Variants in CPOX observed in about 807,000 individuals in gnomAD.
The protein encoded by CPOX is coproporphyrinogen oxidase.
CPOX carries 24 observed loss-of-function variants against 48.9 expected under a neutral mutation model. The observed-to-expected ratio is 0.49, with a 90% CI of 0.36 to 0.69. The LOEUF is 0.69. Ranked by LOEUF, CPOX falls within the 30% of genes least tolerant of loss-of-function variation. The probability of loss-of-function intolerance (pLI) is 0.00; values close to 1 mark genes in which losing one functional copy is unlikely to be tolerated. For synonymous variants in CPOX, 249 were observed against 234.6 expected (o/e 1.06, Z -0.56); for missense variants, 549 against 597.3 (o/e 0.92, Z 0.84).
At chr3:98,581,349 G>T in intron 6 of CPOX, 58 bp downstream of exon 6, 2 of 1,201,238 alleles carry the variant, frequency 1.7e-6, no homozygotes, top group Non-Finnish European at 2.5e-6. Context: ...TTCATATTTT[G>T]TGGGTGTTTG....
chr3:98,570,776 T>C, the CPOX span, among the ~76,000 whole-genome samples: 1 of 152,240 alleles, frequency 6.6e-6, no homozygotes, highest in African/African-American at 2.4e-5. Flanking sequence ...AGAATCCAGC[T>C]GTAGAACACT....
rs377407802 is a variant in CPOX at position 98,590,966 on chromosome 3, A to G, written c.700+46T>C. ...TATAAATAAAACTTGTGGGCAAAAT[A>G]AGGTTTGCAGGGACTATTAGAGACT... On this transcript the variant is annotated intron_variant, in intron 2 of 6. Coordinates refer to ENST00000647941, the MANE Select transcript of CPOX (RefSeq NM_000097.7). 7 of 1,603,208 alleles carry G rather than the reference A, an allele frequency of 4.4e-6. No individual in the cohort carries two copies. In the African/African-American group the frequency reaches 8.0e-5, roughly 18 times the overall value.
At chr3:98,582,483 A>AT (rs917673046) in intron 5 of CPOX, among the ~76,000 whole-genome samples, 5 of 149,196 alleles carry the variant, frequency 3.4e-5, no homozygotes, top group Admixed American at 2.7e-4. Context: ...TCCCACAATA[A>AT]TTTTTTTTTC....
Position 98,579,804 on chromosome 3 carries a change from T to TA in CPOX, c.*878dup. 1 of 985,458 alleles carries TA rather than the reference T, an allele frequency of 1.0e-6. No individual in the cohort carries two copies. The highest frequency in any genetic ancestry group is 1.2e-6 in the Non-Finnish European group (1 of 829,542). 61.0% of individuals were successfully genotyped at this position (985,458 alleles called of 1,614,324 possible). On this transcript the variant is annotated 3_prime_UTR_variant, in exon 7 of 7. Transcript: ENST00000647941. ...TTTCTCATACTATATATACTTGCTT[T>TA]AAAGAAGGAAATTATTTCTCATTTC...
the CPOX span, among the ~76,000 whole-genome samples, chr3:98,572,978 C>G: frequency 6.6e-6 from 1 of 152,140 alleles, no homozygotes; most frequent in African/African-American, 2.4e-5. Context: ...AATAAAATTA[C>G]ACACAAACAG....
rs1163678947 is a variant in CPOX, at chr3:98,593,376, T to A, written c.129A>T (p.Ala43=). ...GGLRAWSQRS[A]AGRVCRPPGP... is the part of the protein sequence containing the mutation. ...CAGGGGGCCGGCAGACGCGTCCGGC[T>A]GCGCTGCGCTGGGACCAGGCTCGGA... Residue 43 remains alanine, a synonymous_variant, in exon 1 of 7, where the codon GCA becomes GCT. Coordinates refer to ENST00000647941, the MANE Select transcript of CPOX (RefSeq NM_000097.7). 7.4e-6 allele frequency: 10 copies of A among 1,346,692 alleles called. No homozygotes were observed. In the East Asian group the frequency reaches 2.8e-4, roughly 37 times the overall value. 83.4% of individuals were successfully genotyped at this position (1,346,692 alleles called of 1,614,324 possible). A position where few individuals can be genotyped will look rare whatever the true frequency, so the allele number is the denominator to read the frequency against.
chr3:98,577,393 A>C (rs1707178500), downstream of CPOX, among the ~76,000 whole-genome samples: 1 of 152,200 alleles, frequency 6.6e-6, no homozygotes, highest in Admixed American at 6.5e-5. Flanking sequence ...AGAGGCAGGG[A>C]GAGCATTGCA....
At chr3:98,577,606 C>T (rs1329338735), downstream of CPOX, among the ~76,000 whole-genome samples, 4 of 152,188 alleles carry the variant, frequency 2.6e-5, no homozygotes, top group East Asian at 1.9e-4. Flanking sequence ...TTCCCTACCA[C>T]TCGAATCTGG....
intron 3 of CPOX, among the ~76,000 whole-genome samples, chr3:98,589,076 T>C (rs1051061625): frequency 6.6e-6 from 1 of 152,108 alleles, no homozygotes; most frequent in Non-Finnish European, 1.5e-5. Context: ...TCCCAGCACT[T>C]TGGGAGGCCC....
chr3:98,587,398 A>G (rs1707384662), intron 4 of CPOX, among the ~76,000 whole-genome samples: 1 of 151,586 alleles, frequency 6.6e-6, no homozygotes, highest in Non-Finnish European at 1.5e-5. Context: ...GAATAGCTGA[A>G]ACTGCATAAT....
At chr3:98,585,192 C>A (rs184963402) in intron 5 of CPOX, among the ~76,000 whole-genome samples, 1 of 152,230 alleles carries the variant, frequency 6.6e-6, no homozygotes, top group African/African-American at 2.4e-5. Flanking sequence ...GAGAAATCAG[C>A]AGAATTAAAT....
At chr3:98,590,900 A>T (rs1398657608) in intron 2 of CPOX, 112 bp downstream of exon 2, 11 of 1,347,290 alleles carry the variant, frequency 8.2e-6, no homozygotes, top group Non-Finnish European at 1.2e-5. Flanking sequence ...AACGTGCGGC[A>T]TATGAACCCG....
chr3:98,574,234 A>G, the CPOX span, among the ~76,000 whole-genome samples: 3 of 152,202 alleles, frequency 2.0e-5, no homozygotes, highest in Non-Finnish European at 4.4e-5. Context: ...AACCACTCCA[A>G]GCTTAATGAC....
rs941183666 is a variant in CPOX, at chr3:98,593,458, A to C, written c.47T>G (p.Val16Gly). ...GGGCCCTCCGCAGCCGCCCCGCGCC[A>C]CGAGCCAGCAGGGGCCCGAGCTCAG... ...GRLSSGPCWL[V>G]ARGGCGGPRA... Residue 16 changes from valine to glycine, a missense_variant, in exon 1 of 7, where the codon GTG (valine) becomes GGG (glycine). Physicochemically the swap from Val to Gly is moderately radical, Grantham distance 109. Transcript: ENST00000647941. The C allele has an allele frequency of 8.0e-5, 119 of 1,493,780 alleles. No individual in the cohort carries two copies. Among genetic ancestry groups the C allele is most frequent in the Non-Finnish European group, 1.0e-4 (117 of 1,128,414 alleles). 92.5% of individuals were successfully genotyped at this position (1,493,780 alleles called of 1,614,324 possible).
downstream of CPOX, among the ~76,000 whole-genome samples, chr3:98,578,592 C>T (rs1437750405): frequency 6.6e-6 from 1 of 152,184 alleles, no homozygotes; most frequent in Non-Finnish European, 1.5e-5. Flanking sequence ...CTTTTGTCCC[C>T]TTTCACAAAT....
At chr3:98,584,868 T>C (rs1170779350) in intron 5 of CPOX, among the ~76,000 whole-genome samples, 1 of 152,206 alleles carries the variant, frequency 6.6e-6, no homozygotes. Flanking sequence ...ACACAGACTA[T>C]AAGTTTTGAG....
Position 98,590,958 on chromosome 3 carries a change from G to A in CPOX, c.700+54C>T. On this transcript the variant is annotated intron_variant, in intron 2 of 6. Transcript: ENST00000647941. ...ATTTATTTTATAAATAAAACTTGTG[G>A]GCAAAATAAGGTTTGCAGGGACTAT... 6 of 1,592,122 alleles carry A rather than the reference G, an allele frequency of 3.8e-6. No homozygotes were observed. In the South Asian group the frequency reaches 5.6e-5, roughly 15 times the overall value.
chr3:98,588,884 T>G (rs1707419998), intron 3 of CPOX, 30 bp from the exon 4 acceptor site: 6 of 1,613,828 alleles, frequency 3.7e-6, no homozygotes, highest in Non-Finnish European at 4.2e-6. Flanking sequence ...GATTCTAATG[T>G]GGACTTTTGA....
In CPOX at chr3:98,579,454, A is replaced by G. The variant is rs1707210184; in HGVS notation, c.*1229T>C. The stretch of plus-strand genomic sequence containing the variant: ...AAAAATATAAATATTTCTTAGTCTT[A>G]TTTAATAATAAAATTTATTAGCAGA... On this transcript the variant is annotated 3_prime_UTR_variant, in exon 7 of 7. Coordinates refer to ENST00000647941, the MANE Select transcript of CPOX (RefSeq NM_000097.7). 7 of 752,068 alleles carry G rather than the reference A, an allele frequency of 9.3e-6. No homozygotes were observed. The highest frequency in any genetic ancestry group is 1.1e-5 in the Non-Finnish European group (7 of 617,788). 46.6% of individuals were successfully genotyped at this position (752,068 alleles called of 1,614,324 possible). A position where few individuals can be genotyped will look rare whatever the true frequency, so the allele number is the denominator to read the frequency against.
Sources: allele counts gnomAD v4.1 joint callset (sites outside exome capture counted in the v4.1 genomes callset), GRCh38; gene constraint gnomAD v4.1.1; transcripts MANE v1.5; gene names NCBI Gene and HGNC (gene_info 2026-07-23, HGNC 2026-07-21).